Variants in PTK2 observed in about 807,000 individuals in gnomAD.
PTK2 encodes focal adhesion kinase 1.
PTK2 carries 45 observed loss-of-function variants against 150.1 expected under a neutral mutation model. The observed-to-expected ratio is 0.30, with a 90% CI of 0.24 to 0.38. The LOEUF (loss-of-function observed/expected upper bound fraction) is 0.38. Among genes scored for constraint, PTK2 ranks in the 10% least tolerant of loss-of-function variants. The pLI is 1.00. For synonymous variants in PTK2, 432 were observed against 449.2 expected (o/e 0.96, Z 0.48); for missense variants, 919 against 1,307.3 (o/e 0.70, Z 4.58).
intron 24 of PTK2, among the ~76,000 whole-genome samples, chr8:140,703,934 T>A (rs2100032237): frequency 6.6e-6 from 1 of 152,214 alleles, no homozygotes; most frequent in African/African-American, 2.4e-5. Flanking sequence ...TATCAACACA[T>A]CCTTCAACAA....
chr8:140,876,498 T>G (rs1374205469), intron 4 of PTK2, among the ~76,000 whole-genome samples: 1 of 150,664 alleles, frequency 6.6e-6, no homozygotes, highest in Admixed American at 6.7e-5. Flanking sequence ...TAATACAATC[T>G]GCCAATGCAT....
chr8:140,726,761 G>A (rs2100046093), intron 22 of PTK2, among the ~76,000 whole-genome samples: 1 of 152,098 alleles, frequency 6.6e-6, no homozygotes, highest in African/African-American at 2.4e-5. Flanking sequence ...TTCATCTGAT[G>A]GGAAACCAAA....
chr8:140,887,595 C>G (rs2100152761), intron 3 of PTK2, among the ~76,000 whole-genome samples: 2 of 152,144 alleles, frequency 1.3e-5, no homozygotes, highest in South Asian at 4.2e-4. Flanking sequence ...TTTTCTGAAC[C>G]AAGCAGTCTT....
At chr8:140,854,761 T>C (rs1598812519) in intron 5 of PTK2, among the ~76,000 whole-genome samples, 1 of 152,166 alleles carries the variant, frequency 6.6e-6, no homozygotes, top group Admixed American at 6.5e-5. Flanking sequence ...AATAATTATG[T>C]CTAACTAGTA....
At chr8:140,878,396 T>C (rs2100146943) in intron 4 of PTK2, among the ~76,000 whole-genome samples, 1 of 152,154 alleles carries the variant, frequency 6.6e-6, no homozygotes, top group Admixed American at 6.5e-5. Context: ...GCCCAGGAGT[T>C]TGAGATCTGT....
chr8:140,817,949 C>T (rs1597003169), intron 10 of PTK2, among the ~76,000 whole-genome samples: 1 of 151,866 alleles, frequency 6.6e-6, no homozygotes. Context: ...GGGTAAGATG[C>T]CAGTACAAAT....
rs564906580 is a variant in PTK2 at position 140,692,119 on chromosome 8, T to G, written c.2500-5425A>C. Among the ~76,000 whole-genome samples the G allele has an allele frequency of 1.4e-3, 218 of 152,266 alleles. 1 individual carries two copies. Among genetic ancestry groups the G allele is most frequent in the African/African-American group, 5.1e-3 (212 of 41,512 alleles). On this transcript the variant is annotated intron_variant, in intron 26 of 31. Coordinates refer to ENST00000522684, the Ensembl canonical transcript of PTK2. ...TGAAATGACTTTCTTTAATGCATAA[T>G]TCCCTAATGTGGTATTTTCCTAAAG...
chr8:140,665,199 T>C (rs1380893669), intron 30 of PTK2, among the ~76,000 whole-genome samples: 3 of 152,136 alleles, frequency 2.0e-5, no homozygotes, highest in Admixed American at 2.0e-4. Flanking sequence ...ATTGCTCTAA[T>C]ACCCTAAGGA....
chr8:140,675,574 T>C, intron 27 of PTK2, 75 bp from the exon 31 acceptor site: 1 of 1,109,512 alleles, frequency 9.0e-7, no homozygotes, highest in African/African-American at 1.5e-5. Flanking sequence ...CCACCCTGTC[T>C]ATCCACCCCC....
chr8:140,977,465 T>C (rs935844725), intron 1 of PTK2, among the ~76,000 whole-genome samples: 7 of 151,744 alleles, frequency 4.6e-5, no homozygotes, highest in Non-Finnish European at 1.0e-4. Flanking sequence ...CTACTAAAAA[T>C]ACAAAAAATA....
At chr8:140,808,145 C>G (rs1442024480) in intron 10 of PTK2, among the ~76,000 whole-genome samples, 1 of 152,174 alleles carries the variant, frequency 6.6e-6, no homozygotes, top group Non-Finnish European at 1.5e-5. Flanking sequence ...ATGGGAGAAA[C>G]TATACATTTT....
intron 2 of PTK2, among the ~76,000 whole-genome samples, chr8:140,922,677 C>T (rs2100167971): frequency 6.6e-6 from 1 of 152,170 alleles, no homozygotes. Flanking sequence ...CAATTATATT[C>T]TACACACTAA....
At chr8:140,769,371 T>C (rs1045197693) in intron 14 of PTK2, among the ~76,000 whole-genome samples, 2 of 152,226 alleles carry the variant, frequency 1.3e-5, no homozygotes, top group Middle Eastern at 3.2e-3. Context: ...AACTCAAACT[T>C]ACCACTAAAA....
At chr8:140,896,719 C>A (rs1158747125) in intron 2 of PTK2, among the ~76,000 whole-genome samples, 2 of 144,188 alleles carry the variant, frequency 1.4e-5, no homozygotes, top group South Asian at 4.9e-4. Flanking sequence ...ACCATTACCA[C>A]TTGCGTACAG....
rs112189126 is a variant in PTK2 at position 140,812,077 on chromosome 8, G to A, written c.867+6200C>T. Among the ~76,000 whole-genome samples the A allele has an allele frequency of 2.4e-3, 360 of 152,234 alleles. 2 individuals are homozygous for A. The highest frequency in any genetic ancestry group is 8.1e-3 in the African/African-American group (337 of 41,542). On this transcript the variant is annotated intron_variant, in intron 10 of 31. Transcript: ENST00000522684. ...GGAAAGGCAGAGTAAGATACTACAC[G>A]AGAAGATCATTCCCAAGACACATCA...
At position 140,752,326 on chromosome 8, in the gene PTK2, G is replaced by A. The variant is rs1428259025; in HGVS notation, c.1333-10C>T. 3.1e-6 allele frequency: 5 copies of A among 1,610,618 alleles called. No homozygotes were observed. The highest frequency in any genetic ancestry group is 3.4e-6 in the Non-Finnish European group (4 of 1,177,318). The stretch of plus-strand genomic sequence containing the variant: ...CCAAAGCTGGATTCTCCTGTGTTAG[G>A]GAAATTATAGAATCACACACACATG... On this transcript the variant is annotated splice_polypyrimidine_tract_variant and intron_variant, in intron 16 of 31. Coordinates refer to ENST00000522684, the Ensembl canonical transcript of PTK2.
chr8:140,725,878 T>A (rs1433274927), intron 22 of PTK2, among the ~76,000 whole-genome samples: 1 of 150,422 alleles, frequency 6.6e-6, no homozygotes, highest in African/African-American at 2.4e-5. Context: ...ATGTGACCCA[T>A]TCTCAAGAGG....
chr8:140,705,636 T>C (rs897605071), intron 24 of PTK2, among the ~76,000 whole-genome samples: 2 of 152,208 alleles, frequency 1.3e-5, no homozygotes, highest in Non-Finnish European at 2.9e-5. Context: ...CAAAAACAAA[T>C]GAATTGTTTA....
chr8:140,864,266 A>T, intron 5 of PTK2, 46 bp downstream of exon 5: 2 of 1,119,424 alleles, frequency 1.8e-6, no homozygotes, highest in Non-Finnish European at 2.5e-6. Context: ...AATAAATAGG[A>T]TTCAAAGAAA....
Sources: gnomAD v4.1 joint callset for allele counts (sites outside exome capture counted in the v4.1 genomes callset) on GRCh38, gnomAD v4.1.1 for gene constraint, MANE v1.5 for transcripts, NCBI Gene and HGNC (gene_info 2026-07-23, HGNC 2026-07-21) for gene names.